Variants in ARHGAP44 observed in about 807,000 individuals in gnomAD.
ARHGAP44 encodes rho GTPase-activating protein 44.
ARHGAP44 carries 43 observed loss-of-function variants against 106.8 expected under a neutral mutation model. The observed-to-expected ratio is 0.40, with a 90% CI of 0.32 to 0.52. The LOEUF is 0.52. ARHGAP44 is among the 20% of genes least tolerant of loss of function. The pLI is 0.48. For synonymous variants in ARHGAP44, 439 were observed against 410.3 expected (o/e 1.07, Z -0.85); for missense variants, 866 against 1,050.5 (o/e 0.82, Z 2.43).
intron 1 of ARHGAP44, among the ~76,000 whole-genome samples, chr17:12,814,236 T>G (rs1255035213): frequency 1.1e-5 from 1 of 87,450 alleles, no homozygotes; most frequent in Non-Finnish European, 2.3e-5. Context: ...CAAACTGGTG[T>G]TTTTTTTTTT....
rs550621621 is a variant in ARHGAP44 at position 12,829,234 on chromosome 17, C to G, written c.53+39343C>G. ...CACCCTCTTACCTAATTGAGCTGGT[C>G]CGTCATTCCTATTTCTATTTCAGCA... On this transcript the variant is annotated intron_variant, in intron 1 of 20. Transcript: ENST00000379672. Among the ~76,000 whole-genome samples, 8 of 152,148 alleles carry G rather than the reference C, an allele frequency of 5.3e-5. No individual in the cohort carries two copies. In the South Asian group the frequency reaches 1.7e-3, roughly 32 times the overall value.
intron 6 of ARHGAP44, among the ~76,000 whole-genome samples, chr17:12,927,568 A>G (rs2038284251): frequency 6.6e-6 from 1 of 152,178 alleles, no homozygotes; most frequent in South Asian, 2.1e-4. Flanking sequence ...TTTAAAAGAA[A>G]TTATTTGTTG....
chr17:12,894,308 G>GAA (rs141952300), intron 1 of ARHGAP44, among the ~76,000 whole-genome samples: 2 of 147,922 alleles, frequency 1.4e-5, no homozygotes, highest in South Asian at 4.3e-4. Flanking sequence ...AAAGAGAGGG[G>GAA]GAGAGAGAGA....
At chr17:12,803,911 A>G (rs184447494) in intron 1 of ARHGAP44, among the ~76,000 whole-genome samples, 1 of 152,206 alleles carries the variant, frequency 6.6e-6, no homozygotes, top group Non-Finnish European at 1.5e-5. Context: ...GAAGTTCTGC[A>G]GTTAAGAAAA....
intron 4 of ARHGAP44, 111 bp downstream of exon 4, chr17:12,909,084 G>A (rs1383378226): frequency 2.2e-6 from 2 of 901,818 alleles, no homozygotes; most frequent in Non-Finnish European, 3.3e-6. Context: ...GGGGACTTTA[G>A]TGGAAAAAAG....
intron 13 of ARHGAP44, among the ~76,000 whole-genome samples, chr17:12,955,121 T>G (rs2039096265): frequency 6.6e-6 from 1 of 152,236 alleles, no homozygotes; most frequent in South Asian, 2.1e-4. Context: ...ATGTGGCCTG[T>G]TGTGTCTGGC....
chr17:12,858,018 A>G (rs1015618595), intron 1 of ARHGAP44, among the ~76,000 whole-genome samples: 5 of 152,214 alleles, frequency 3.3e-5, no homozygotes, highest in East Asian at 1.9e-4. Context: ...CTCTTGTGCA[A>G]GGAACCCAGT....
chr17:12,885,345 G>T (rs2036851997), intron 1 of ARHGAP44, among the ~76,000 whole-genome samples: 1 of 151,810 alleles, frequency 6.6e-6, no homozygotes, highest in Non-Finnish European at 1.5e-5. Flanking sequence ...GTGTGTGTGT[G>T]TGTGTGTAAC....
chr17:12,902,785 A>G (rs2037411460), intron 3 of ARHGAP44, among the ~76,000 whole-genome samples: 1 of 152,180 alleles, frequency 6.6e-6, no homozygotes, highest in South Asian at 2.1e-4. Context: ...TAGCTTCTTC[A>G]TTTGGAAAAT....
At chr17:12,880,925 C>T (rs2036718372) in intron 1 of ARHGAP44, among the ~76,000 whole-genome samples, 1 of 152,158 alleles carries the variant, frequency 6.6e-6, no homozygotes, top group Admixed American at 6.5e-5. Context: ...TACATTTTTA[C>T]CAAAATGGCA....
intron 8 of ARHGAP44, among the ~76,000 whole-genome samples, chr17:12,942,911 C>A (rs1233618261): frequency 6.6e-6 from 1 of 152,200 alleles, no homozygotes; most frequent in Non-Finnish European, 1.5e-5. Flanking sequence ...CCAAAGCAAT[C>A]CCACCTCCAG....
chr17:12,824,235 G>A (rs1199188478), intron 1 of ARHGAP44, among the ~76,000 whole-genome samples: 3 of 152,060 alleles, frequency 2.0e-5, no homozygotes, highest in Non-Finnish European at 4.4e-5. Context: ...AGCTGCACAT[G>A]GTCAATCCAC....
At chr17:12,802,750 TTTC>T (rs1423062546) in intron 1 of ARHGAP44, among the ~76,000 whole-genome samples, 12 of 144,292 alleles carry the variant, frequency 8.3e-5, no homozygotes, top group Non-Finnish European at 1.5e-5. Flanking sequence ...TTCTTTTTTA[TTTC>T]TTTTTTTTTT....
chr17:12,835,003 T>G (rs1041450081), intron 1 of ARHGAP44, among the ~76,000 whole-genome samples: 1 of 152,194 alleles, frequency 6.6e-6, no homozygotes, highest in Non-Finnish European at 1.5e-5. Context: ...AAAGGGAAAC[T>G]TGCTATGAGG....
intron 17 of ARHGAP44, 61 bp from the exon 18 acceptor site, chr17:12,974,028 G>T (rs2039599997): frequency 6.7e-7 from 1 of 1,496,094 alleles, no homozygotes; most frequent in Admixed American, 2.0e-5. Context: ...TGTGGGGGAG[G>T]GAGCCTGTCT....
chr17:12,852,350 T>C (rs1567648991), intron 1 of ARHGAP44, among the ~76,000 whole-genome samples: 2 of 142,486 alleles, frequency 1.4e-5, no homozygotes, highest in Non-Finnish European at 3.1e-5. Context: ...AAACTCTTCG[T>C]TTTCGTTTCC....
chr17:12,874,190 G>A (rs1212956375), intron 1 of ARHGAP44, among the ~76,000 whole-genome samples: 2 of 152,214 alleles, frequency 1.3e-5, no homozygotes, highest in African/African-American at 4.8e-5. Flanking sequence ...GAGGCTGACG[G>A]TTGAGTCTTA....
intron 6 of ARHGAP44, among the ~76,000 whole-genome samples, chr17:12,921,558 G>A (rs926430149): frequency 3.3e-5 from 5 of 152,104 alleles, no homozygotes; most frequent in African/African-American, 1.2e-4. Context: ...TGTTGCGCAG[G>A]CTAGTTTCAG....
rs758780734 is a variant in ARHGAP44, at chr17:12,929,092, C to T, written c.582+46C>T. ...TCTCTACTGGGACAGGCTGGGGAGCCCTCAGGGATTCCCTTTTTGTTCACT... is the reference window on the plus strand; with the variant it reads ...TCTCTACTGGGACAGGCTGGGGAGCTCTCAGGGATTCCCTTTTTGTTCACT... On this transcript the variant is annotated intron_variant, in intron 7 of 20. Transcript: ENST00000379672. 3.9e-6 allele frequency: 6 copies of T among 1,524,982 alleles called. No homozygotes were observed. The Admixed American group carries it at 7.5e-5, about 19-fold the overall frequency. The allele number at this position is 1,524,982 out of a possible 1,614,324, so 94.5% of individuals were successfully genotyped here.
Sources: gnomAD v4.1 joint callset for allele counts (sites outside exome capture counted in the v4.1 genomes callset) on GRCh38, gnomAD v4.1.1 for gene constraint, MANE v1.5 for transcripts, NCBI Gene and HGNC (gene_info 2026-07-23, HGNC 2026-07-21) for gene names.